TXNDC11: variants seen among roughly 807,000 people sequenced by gnomAD.
The protein encoded by TXNDC11 is thioredoxin domain-containing protein 11.
A neutral mutation model predicts 78.0 loss-of-function variants in TXNDC11; 68 were observed. That is an observed-to-expected ratio of 0.87 (90% confidence interval 0.72 to 1.07). TXNDC11 has a LOEUF of 1.07. Among genes scored for constraint, TXNDC11 ranks in the 50% least tolerant of loss-of-function variants. TXNDC11 has a pLI of 0.00. For synonymous variants in TXNDC11, 571 were observed against 495.2 expected (o/e 1.15, Z -2.03); for missense variants, 1,389 against 1,221.8 (o/e 1.14, Z -2.04).
At chr16:11,725,331 ATAT>A (rs1181633013) in intron 4 of TXNDC11, among the ~76,000 whole-genome samples, 2 of 149,746 alleles carry the variant, frequency 1.3e-5, no homozygotes, top group Admixed American at 6.7e-5. Flanking sequence ...TCCTTCATCC[ATAT>A]TTATTCTTTT....
At position 11,723,600 on chromosome 16, in the gene TXNDC11, C is replaced by CA. The variant is rs893762033; in HGVS notation, c.700-1931dup. The stretch of plus-strand genomic sequence containing the variant: ...ACTCCATCTTAAAACAAAAAACAAA[C>CA]AAAAAAAAAACCCACAAAACTATGA... On this transcript the variant is annotated intron_variant, in intron 4 of 11. Transcript: ENST00000283033. 2.1e-3 allele frequency among the ~76,000 whole-genome samples: 314 copies of CA among 146,760 alleles called. 2 individuals are homozygous for CA. The highest frequency in any genetic ancestry group is 6.3e-3 in the African/African-American group (255 of 40,252).
At position 11,702,364 on chromosome 16, in the gene TXNDC11, A is replaced by G. The variant is rs1394980342; in HGVS notation, c.794-1800T>C. 2.0e-5 allele frequency among the ~76,000 whole-genome samples: 3 copies of G among 152,188 alleles called. No homozygotes were observed. In the East Asian group the frequency reaches 5.8e-4, roughly 29 times the overall value. Reference sequence around the variant, plus strand: ...TTTTTGCTTTATTAGCACATGCTAAATAAAACATCAGTTAAACTACAGGCC... The same window carrying G: ...TTTTTGCTTTATTAGCACATGCTAAGTAAAACATCAGTTAAACTACAGGCC... On this transcript the variant is annotated intron_variant, in intron 5 of 11. Coordinates refer to ENST00000283033, the MANE Select transcript of TXNDC11 (RefSeq NM_015914.7).
chr16:11,727,357 A>G (rs1162450906), intron 4 of TXNDC11, among the ~76,000 whole-genome samples: 2 of 152,144 alleles, frequency 1.3e-5, no homozygotes, highest in Non-Finnish European at 2.9e-5. Flanking sequence ...ATTATGTCAA[A>G]CTTCAGAAGT....
At position 11,691,992 on chromosome 16, in the gene TXNDC11, C is replaced by T; in HGVS notation, c.1198G>A (p.Val400Met). The T allele has an allele frequency of 6.3e-7, 1 of 1,583,368 alleles. No individual in the cohort carries two copies. The highest frequency in any genetic ancestry group is 8.6e-7 in the Non-Finnish European group (1 of 1,163,348). ...ACTTCCAGGGCCAGGGACTCCAGCA[C>T]TGGAGCATCCACCCGCCGCAGGTGC... ...LQHLRRVDAPVLESLALEVPA... is the reference protein window; with the variant it reads ...LQHLRRVDAPMLESLALEVPA... The change falls in exon 8 of 12, where the codon GTG (valine) becomes ATG (methionine). Residue 400 changes from valine to methionine, a missense_variant. Physicochemically the swap from Val to Met is conservative, Grantham distance 21. Transcript: ENST00000283033.
At chr16:11,697,680 C>T (rs73517671) in intron 7 of TXNDC11, among the ~76,000 whole-genome samples, 7,002 of 152,282 alleles carry the variant, frequency 0.046, 574 homozygotes, top group African/African-American at 0.16. Flanking sequence ...GCTCGCTCTC[C>T]TCTGCTGTCC....
chr16:11,729,746 C>T (rs183334090), intron 4 of TXNDC11, among the ~76,000 whole-genome samples: 3 of 152,236 alleles, frequency 2.0e-5, no homozygotes, highest in Admixed American at 6.5e-5. Context: ...GAGGCTACAT[C>T]TTTCAATAAT....
intron 9 of TXNDC11, 145 bp downstream of exon 9, chr16:11,688,158 T>G (rs550837777): frequency 2.1e-5 from 21 of 987,540 alleles, no homozygotes; most frequent in Middle Eastern, 2.3e-4. Context: ...AAAAACCACA[T>G]GTAATTCATT....
In TXNDC11 at chr16:11,691,570, T is replaced by C. The variant is rs752883674; in HGVS notation, c.1620A>G (p.Lys540=). The part of the protein sequence containing the change: ...PTVAFSSLEK[K]CEVDAPSSVP... The stretch of plus-strand genomic sequence containing the variant: ...CGGAGCTTGGGGCATCAACCTCACA[T>C]TTCTTCTCAAGGGAAGAAAATGCAA... The change falls in exon 8 of 12, where the codon AAA becomes AAG. Residue 540 remains lysine, a synonymous_variant. Transcript: ENST00000283033. 2 of 1,614,228 alleles carry C rather than the reference T, an allele frequency of 1.2e-6. No homozygotes were observed. The highest frequency in any genetic ancestry group is 3.3e-5 in the Admixed American group (2 of 60,024).
Position 11,742,708 on chromosome 16 carries a change from C to G in TXNDC11, c.23G>C (p.Gly8Ala). Residue 8 changes from glycine (G) to alanine (A), a missense_variant, in exon 1 of 12, where the codon GGC becomes GCC. Coordinates refer to ENST00000283033, the MANE Select transcript of TXNDC11 (RefSeq NM_015914.7). ...GTCCTCGCTGCTGCTGCTGCCGCCG[C>G]CGCGGCCTCCGCATTCCGACATTAC... is the stretch of plus-strand genomic sequence containing the variant. Reference protein sequence around the residue: MSECGGRGGGSSSSEDAE... With the variant: MSECGGRAGGSSSSEDAE... 1 of 1,482,250 alleles carries G rather than the reference C, an allele frequency of 6.7e-7. No individual in the cohort carries two copies. The highest frequency in any genetic ancestry group is 8.9e-7 in the Non-Finnish European group (1 of 1,127,008). The allele number at this position is 1,482,250 out of a possible 1,614,324, so 91.8% of individuals were successfully genotyped here.
chr16:11,687,868 G>C lies in TXNDC11; in HGVS notation c.2142C>G (p.Phe714Leu), dbSNP rs778892619. 6 of 1,612,058 alleles carry C rather than the reference G, an allele frequency of 3.7e-6. No individual in the cohort carries two copies. The highest frequency in any genetic ancestry group is 5.1e-6 in the Non-Finnish European group (6 of 1,178,468). The change falls in exon 10 of 12, where the codon TTC becomes TTG. Residue 714 changes from phenylalanine to leucine, a missense_variant. Coordinates refer to ENST00000283033, the MANE Select transcript of TXNDC11 (RefSeq NM_015914.7). Reference protein sequence around the residue: ...QLARNLPMDTFTVARIDVSQN... With the variant: ...QLARNLPMDTLTVARIDVSQN... ...AGAGGCCTGCTTACCTTGCCACAGT[G>C]AATGTGTCCATGGGCAGGTTCCGAG... is the stretch of plus-strand genomic sequence containing the variant.
Position 11,679,214 on chromosome 16 carries a change from T to A in TXNDC11, c.2858A>T (p.Lys953Met). ...AAAAAGTTAGTCTGTCCTGTTCTCC[T>A]TATTCCTTTCAGACACCAGTGTGGC... ...VSATLVSERN[K>M]ENRTD The change falls in exon 12 of 12, where the codon AAG becomes ATG. Residue 953 changes from lysine (K) to methionine (M), a missense_variant. By Grantham distance (95) the Lys-to-Met change is moderately conservative (BLOSUM62 -1). Coordinates refer to ENST00000283033, the MANE Select transcript of TXNDC11 (RefSeq NM_015914.7). This position sits in a 1 kb window ranked among gnomAD's most constrained non-coding sequence, Gnocchi z 4.6. 2 of 1,613,898 alleles carry A rather than the reference T, an allele frequency of 1.2e-6. No homozygotes were observed. Among genetic ancestry groups the A allele is most frequent in the Non-Finnish European group, 1.7e-6 (2 of 1,180,032 alleles).
At position 11,730,538 on chromosome 16, in the gene TXNDC11, T is replaced by C. The variant is rs2052014816; in HGVS notation, c.699+107A>G. On this transcript the variant is annotated intron_variant, in intron 4 of 11. Coordinates refer to ENST00000283033, the MANE Select transcript of TXNDC11 (RefSeq NM_015914.7). Reference sequence around the variant, plus strand: ...GCTGATCTATCACATGACCTTTTACTTGCTGCAATTCAGGAGGTATTTTTT... The same window carrying C: ...GCTGATCTATCACATGACCTTTTACCTGCTGCAATTCAGGAGGTATTTTTT... 3 of 1,183,744 alleles carry C rather than the reference T, an allele frequency of 2.5e-6. No homozygotes were observed. The East Asian group carries it at 7.2e-5, about 28-fold the overall frequency. The allele number at this position is 1,183,744 out of a possible 1,614,324, so 73.3% of individuals were successfully genotyped here.
chr16:11,740,837 T>A (rs1168997413), intron 1 of TXNDC11, among the ~76,000 whole-genome samples: 2 of 152,210 alleles, frequency 1.3e-5, no homozygotes, highest in Admixed American at 6.5e-5. Flanking sequence ...TAATGGGGAT[T>A]GTAAGATTTA....
At chr16:11,718,841 T>G (rs1412100126) in intron 5 of TXNDC11, among the ~76,000 whole-genome samples, 1 of 152,224 alleles carries the variant, frequency 6.6e-6, no homozygotes, top group East Asian at 1.9e-4. Flanking sequence ...CCACATTTAT[T>G]ATGAAAACAA....
intron 1 of TXNDC11, among the ~76,000 whole-genome samples, chr16:11,739,138 A>G (rs2052319908): frequency 6.6e-6 from 1 of 152,222 alleles, no homozygotes; most frequent in Non-Finnish European, 1.5e-5. Flanking sequence ...TGCTCTGCAT[A>G]TTCAGAAGCA....
At chr16:11,733,874 A>C (rs1382269450) in intron 3 of TXNDC11, 108 bp downstream of exon 3, 1 of 757,278 alleles carries the variant, frequency 1.3e-6, no homozygotes, top group African/African-American at 1.8e-5. Context: ...GTATTATCTG[A>C]ATTTTCTATA....
At chr16:11,688,609 C>G in intron 8 of TXNDC11, 164 bp from the exon 9 acceptor site, 3 of 584,204 alleles carry the variant, frequency 5.1e-6, no homozygotes, top group Non-Finnish European at 8.9e-6. Flanking sequence ...CGGGTGGCAT[C>G]AGGTTTAGCT....
chr16:11,686,542 A>G (rs905182738), intron 10 of TXNDC11, among the ~76,000 whole-genome samples: 3 of 152,230 alleles, frequency 2.0e-5, no homozygotes, highest in African/African-American at 7.2e-5. Context: ...ATGCTTTCCA[A>G]AAGAGTTATG....
intron 1 of TXNDC11, among the ~76,000 whole-genome samples, chr16:11,741,236 C>G (rs1407620714): frequency 4.6e-5 from 7 of 152,164 alleles, no homozygotes; most frequent in African/African-American, 1.7e-4. Flanking sequence ...GCTAAATAAA[C>G]TCAAAAATGT....
Sources: allele counts gnomAD v4.1 joint callset (sites outside exome capture counted in the v4.1 genomes callset), GRCh38; gene constraint gnomAD v4.1.1; non-coding constraint Gnocchi (gnomAD v3.1); transcripts MANE v1.5; gene names NCBI Gene and HGNC (gene_info 2026-07-23, HGNC 2026-07-21).